The following GRID2 variants were observed in gnomAD, a reference collection of about 807,000 sequenced individuals.
The protein encoded by GRID2 is glutamate receptor ionotropic, delta-2.
Under a neutral mutation model 114.8 loss-of-function variants are expected in GRID2, and 33 were observed. That is an observed-to-expected ratio of 0.29 (90% CI 0.22 to 0.38). GRID2 has a LOEUF of 0.38. GRID2 is among the 10% of genes least tolerant of loss of function. The pLI is 1.00. For missense variants in GRID2, 1,184 were observed against 1,257.7 expected (o/e 0.94, Z 0.89); for synonymous variants, 505 against 449.9 (o/e 1.12, Z -1.55).
At chr4:93,549,824 T>A (rs759554055) in intron 13 of GRID2, among the ~76,000 whole-genome samples, 1 of 152,170 alleles carries the variant, frequency 6.6e-6, no homozygotes, top group Non-Finnish European at 1.5e-5. Context: ...CTACAAGGAA[T>A]TCCTTCCAGA....
chr4:92,439,461 G>C (rs975439240), intron 1 of GRID2, among the ~76,000 whole-genome samples: 5 of 151,952 alleles, frequency 3.3e-5, no homozygotes, highest in African/African-American at 1.2e-4. Flanking sequence ...AAAGTGTTGG[G>C]GTGGTGAAAA....
intron 14 of GRID2, among the ~76,000 whole-genome samples, chr4:93,735,661 G>A (rs2110237408): frequency 6.6e-6 from 1 of 152,086 alleles, no homozygotes; most frequent in Non-Finnish European, 1.5e-5. Flanking sequence ...GAAAATGTGA[G>A]CACGTTTTCT....
In GRID2 at chr4:93,592,421, G is replaced by A. The variant is rs570911241; in HGVS notation, c.2194-33848G>A. On this transcript the variant is annotated intron_variant, in intron 13 of 15. Transcript: ENST00000282020. Reference sequence around the variant, plus strand: ...ATTTGATTGCACTGTGGTCTGAGAGGTAGTTTGTTATAATTTCTGTTCTTT... The same window carrying A: ...ATTTGATTGCACTGTGGTCTGAGAGATAGTTTGTTATAATTTCTGTTCTTT... 1.2e-3 allele frequency among the ~76,000 whole-genome samples: 181 copies of A among 152,144 alleles called. 1 individual carries two copies. Among genetic ancestry groups the A allele is most frequent in the African/African-American group, 4.0e-3 (167 of 41,524 alleles).
At chr4:92,309,037 T>G (rs758898744) in intron 1 of GRID2, among the ~76,000 whole-genome samples, 6 of 152,054 alleles carry the variant, frequency 3.9e-5, no homozygotes, top group Admixed American at 1.3e-4. Context: ...ACATGACTAA[T>G]AAGCCATTAC....
chr4:92,554,745 T>C (rs879675900), intron 1 of GRID2, among the ~76,000 whole-genome samples: 52 of 152,166 alleles, frequency 3.4e-4, no homozygotes, highest in Non-Finnish European at 7.2e-4. Context: ...AGATAAATGA[T>C]CTGTATAAAT....
intron 1 of GRID2, among the ~76,000 whole-genome samples, chr4:92,380,008 T>C (rs1260719537): frequency 6.6e-6 from 1 of 151,994 alleles, no homozygotes. Flanking sequence ...TCCAACAGGT[T>C]AAAAATGGTC....
At chr4:92,905,585 T>C (rs1200200477) in intron 2 of GRID2, among the ~76,000 whole-genome samples, 2 of 152,098 alleles carry the variant, frequency 1.3e-5, no homozygotes, top group Non-Finnish European at 1.5e-5. Flanking sequence ...ATTTACCAGC[T>C]ATTGATGGCT....
At chr4:92,309,909 T>C (rs1725607351) in intron 1 of GRID2, among the ~76,000 whole-genome samples, 1 of 152,014 alleles carries the variant, frequency 6.6e-6, no homozygotes, top group Non-Finnish European at 1.5e-5. Context: ...AAGCAGCTTC[T>C]AACGGTGGTA....
chr4:93,570,190 G>T (rs950012730), intron 13 of GRID2, among the ~76,000 whole-genome samples: 4 of 152,114 alleles, frequency 2.6e-5, no homozygotes, highest in African/African-American at 9.7e-5. Context: ...GTCACACAAG[G>T]TCACTCAGTA....
At chr4:93,405,915 G>A (rs1437758877) in intron 9 of GRID2, among the ~76,000 whole-genome samples, 1 of 152,018 alleles carries the variant, frequency 6.6e-6, no homozygotes, top group African/African-American at 2.4e-5. Context: ...GAGTTACAAA[G>A]GAACACATTA....
intron 1 of GRID2, among the ~76,000 whole-genome samples, chr4:92,334,039 G>T (rs149783843): frequency 1.4e-4 from 21 of 152,246 alleles, no homozygotes; most frequent in African/African-American, 4.6e-4. Flanking sequence ...CTCCCACCAG[G>T]TATCCTGGTT....
At chr4:93,002,054 A>G (rs960300548) in intron 2 of GRID2, among the ~76,000 whole-genome samples, 1 of 151,750 alleles carries the variant, frequency 6.6e-6, no homozygotes, top group Non-Finnish European at 1.5e-5. Context: ...AATTTTTAGA[A>G]CAAGGTGAAT....
At chr4:93,165,693 G>A (rs1295579013) in intron 4 of GRID2, among the ~76,000 whole-genome samples, 1 of 152,014 alleles carries the variant, frequency 6.6e-6, no homozygotes, top group Non-Finnish European at 1.5e-5. Context: ...TCATATCAGA[G>A]CTGAGTCTTA....
intron 2 of GRID2, among the ~76,000 whole-genome samples, chr4:92,606,255 C>A (rs1223091496): frequency 2.0e-5 from 3 of 151,948 alleles, no homozygotes; most frequent in Non-Finnish European, 4.4e-5. Flanking sequence ...ATCCAATGAA[C>A]TGTTGAAAAT....
intron 1 of GRID2, among the ~76,000 whole-genome samples, chr4:92,435,579 G>C (rs1732699223): frequency 6.6e-6 from 1 of 152,140 alleles, no homozygotes; most frequent in African/African-American, 2.4e-5. Flanking sequence ...CACAACATAC[G>C]ATGACTGATT....
At chr4:92,836,749 T>C (rs1742488459) in intron 2 of GRID2, among the ~76,000 whole-genome samples, 2 of 152,030 alleles carry the variant, frequency 1.3e-5, no homozygotes, top group Non-Finnish European at 2.9e-5. Context: ...TAAATGTTAA[T>C]TTAAAATAGA....
intron 8 of GRID2, among the ~76,000 whole-genome samples, chr4:93,247,793 A>G (rs1748374836): frequency 6.6e-6 from 1 of 151,952 alleles, no homozygotes; most frequent in African/African-American, 2.4e-5. Context: ...GAGAACCCTG[A>G]CAATACCTTG....
chr4:93,121,618 G>T (rs2149362780), intron 4 of GRID2, among the ~76,000 whole-genome samples: 1 of 152,000 alleles, frequency 6.6e-6, no homozygotes, highest in Admixed American at 6.6e-5. Context: ...ACATCTTTTT[G>T]GATATGTCTG....
chr4:93,300,924 T>G (rs1000006528), intron 8 of GRID2, among the ~76,000 whole-genome samples: 1 of 152,212 alleles, frequency 6.6e-6, no homozygotes, highest in Non-Finnish European at 1.5e-5. Flanking sequence ...AGTTTCACAG[T>G]GTTCTTCTAC....
Sources: allele counts gnomAD v4.1 joint callset (sites outside exome capture counted in the v4.1 genomes callset), GRCh38; gene constraint gnomAD v4.1.1; transcripts MANE v1.5; gene names NCBI Gene and HGNC (gene_info 2026-07-23, HGNC 2026-07-21).